The following TMTC1 variants were observed in gnomAD, a reference collection of about 807,000 sequenced individuals.
The protein encoded by TMTC1 is transmembrane O-mannosyltransferase targeting cadherins 1, also known as protein O-mannosyl-transferase TMTC1.
In TMTC1, 73 loss-of-function variants were observed where a neutral mutation model predicts 104.8. That is an observed-to-expected ratio of 0.70 (90% confidence interval 0.58 to 0.85). The LOEUF (loss-of-function observed/expected upper bound fraction) is 0.85. Ranked by LOEUF, TMTC1 falls within the 40% of genes least tolerant of loss-of-function variation. TMTC1 has a pLI of 0.00. For missense variants in TMTC1, 1,035 were observed against 1,096.1 expected (o/e 0.94, Z 0.79); for synonymous variants, 434 against 428.7 (o/e 1.01, Z -0.15).
Position 29,717,203 on chromosome 12 carries a change from T to C in TMTC1, c.938+34463A>G, listed in dbSNP as rs553054521. On this transcript the variant is annotated intron_variant, in intron 5 of 17. Coordinates refer to ENST00000539277, the MANE Select transcript of TMTC1 (RefSeq NM_001193451.2). ...AACATCAACAACATATGGGAAATTATACTCTTTGTAAATACTGAGCATTTA... is the reference window on the plus strand; with the variant it reads ...AACATCAACAACATATGGGAAATTACACTCTTTGTAAATACTGAGCATTTA... 6.6e-5 allele frequency among the ~76,000 whole-genome samples: 10 copies of C among 152,344 alleles called. No homozygotes were observed. The South Asian group carries it at 1.9e-3, about 28-fold the overall frequency.
chr12:29,530,569 A>G (rs1944474621), intron 11 of TMTC1, among the ~76,000 whole-genome samples: 1 of 152,118 alleles, frequency 6.6e-6, no homozygotes, highest in Admixed American at 6.5e-5. Context: ...CGCATGTGCA[A>G]CCCCTTCATA....
At chr12:29,661,116 A>T (rs1287285765) in intron 5 of TMTC1, among the ~76,000 whole-genome samples, 2 of 152,118 alleles carry the variant, frequency 1.3e-5, no homozygotes, top group Non-Finnish European at 2.9e-5. Flanking sequence ...TTACTCACTT[A>T]TAAAAGGGAG....
intron 5 of TMTC1, among the ~76,000 whole-genome samples, chr12:29,689,399 C>T (rs1941196899): frequency 1.3e-5 from 2 of 152,062 alleles, no homozygotes; most frequent in South Asian, 4.1e-4. Context: ...ACTGCAACTC[C>T]ACCTCCCAGG....
At chr12:29,725,018 T>TTTTTTTTC in intron 5 of TMTC1, among the ~76,000 whole-genome samples, 1 of 127,896 alleles carries the variant, frequency 7.8e-6, no homozygotes, top group Non-Finnish European at 1.7e-5. Context: ...CAAGTTCTTT[T>TTTTTTTTC]TTTTTTTTTT....
intron 5 of TMTC1, among the ~76,000 whole-genome samples, chr12:29,725,014 CTTTT>C (rs869135481): frequency 1.1e-5 from 1 of 90,398 alleles, no homozygotes. Context: ...CTGCCAAGTT[CTTTT>C]TTTTTTTTTT....
chr12:29,645,192 C>T (rs978885762), intron 5 of TMTC1, among the ~76,000 whole-genome samples: 4 of 152,170 alleles, frequency 2.6e-5, no homozygotes, highest in Non-Finnish European at 4.4e-5. Context: ...ACTTTCATTT[C>T]GGCCTGGGGC....
At chr12:29,533,986 G>A (rs299451) in intron 11 of TMTC1, 150,545 of 152,332 alleles carry the variant, frequency 0.99, 74,421 homozygotes, top group East Asian at 1. Flanking sequence ...GCATGTGGAC[G>A]GATGGTGGCA....
At chr12:29,771,492 T>G (rs1172429419) in intron 1 of TMTC1, among the ~76,000 whole-genome samples, 2 of 152,162 alleles carry the variant, frequency 1.3e-5, no homozygotes, top group Non-Finnish European at 2.9e-5. Context: ...AAGCACATAC[T>G]ACATGTCAGA....
At chr12:29,661,202 T>C (rs1056736836) in intron 5 of TMTC1, 1 of 242,676 alleles carries the variant, frequency 4.1e-6, no homozygotes, top group Non-Finnish European at 6.6e-6. Context: ...CTCAGCTCTG[T>C]TAGCTATAAA....
At chr12:29,568,373 G>A (rs1478112259) in intron 9 of TMTC1, among the ~76,000 whole-genome samples, 1 of 152,192 alleles carries the variant, frequency 6.6e-6, no homozygotes, top group Non-Finnish European at 1.5e-5. Flanking sequence ...AAAAATCACT[G>A]TTGAATTAGA....
intron 5 of TMTC1, among the ~76,000 whole-genome samples, chr12:29,733,131 C>T (rs781781487): frequency 2.6e-5 from 4 of 152,170 alleles, no homozygotes; most frequent in Non-Finnish European, 5.9e-5. Flanking sequence ...AAATATGGAA[C>T]ATGAGATGTC....
At chr12:29,779,306 C>T (rs1036957082) in intron 1 of TMTC1, among the ~76,000 whole-genome samples, 1 of 152,338 alleles carries the variant, frequency 6.6e-6, no homozygotes, top group South Asian at 2.1e-4. Flanking sequence ...ATGGTCAGCC[C>T]TAACCCAGAT....
At position 29,594,272 on chromosome 12, in the gene TMTC1, C is replaced by T. The variant is rs12826633; in HGVS notation, c.1250+9906G>A. Among the ~76,000 whole-genome samples, 1,430 of 152,334 alleles carry T rather than the reference C, an allele frequency of 9.4e-3. 15 individuals carry two copies. The highest frequency in any genetic ancestry group is 0.036 in the South Asian group (176 of 4,832). On this transcript the variant is annotated intron_variant, in intron 7 of 17. Transcript: ENST00000539277. ...CTGAGTTCTATTATTGCTTCTTCCA[C>T]GAACTACTATATTTGAGAGTCCAGC... is the stretch of plus-strand genomic sequence containing the variant.
At chr12:29,714,521 AG>A (rs1942024519) in intron 5 of TMTC1, among the ~76,000 whole-genome samples, 1 of 152,226 alleles carries the variant, frequency 6.6e-6, no homozygotes, top group Non-Finnish European at 1.5e-5. Flanking sequence ...TTCATGATAA[AG>A]GGCCAGTTGT....
Position 29,633,355 on chromosome 12 carries a change from T to C in TMTC1, c.939-19A>G. ...GAGGAATCTATAAAGAGAAGAAGAA[T>C]CACTGAAACACTGCTCAAGAACCAT... On this transcript the variant is annotated intron_variant, in intron 5 of 17. Coordinates refer to ENST00000539277, the MANE Select transcript of TMTC1 (RefSeq NM_001193451.2). 1.3e-6 allele frequency: 2 copies of C among 1,581,046 alleles called. No individual in the cohort carries two copies. Among genetic ancestry groups the C allele is most frequent in the Non-Finnish European group, 1.7e-6 (2 of 1,157,478 alleles).
intron 5 of TMTC1, among the ~76,000 whole-genome samples, chr12:29,721,064 A>C (rs1200825598): frequency 6.6e-6 from 1 of 152,184 alleles, no homozygotes; most frequent in East Asian, 1.9e-4. Context: ...CCAAAAATTA[A>C]ATTGAAATAA....
chr12:29,548,422 CAT>C (rs2136233862), intron 10 of TMTC1, among the ~76,000 whole-genome samples: 1 of 152,290 alleles, frequency 6.6e-6, no homozygotes, highest in East Asian at 1.9e-4. Flanking sequence ...ATAATCCCCA[CAT>C]GTTGTGAGAG....
chr12:29,643,798 C>CATATTTATAT (rs1939077332), intron 5 of TMTC1, among the ~76,000 whole-genome samples: 1 of 33,434 alleles, frequency 3.0e-5, no homozygotes, highest in Non-Finnish European at 5.3e-5. Flanking sequence ...TATTTATATA[C>CATATTTATAT]ATATTTATAT....
intron 10 of TMTC1, among the ~76,000 whole-genome samples, chr12:29,549,367 G>A (rs1310510116): frequency 6.6e-6 from 1 of 152,058 alleles, no homozygotes; most frequent in Non-Finnish European, 1.5e-5. Flanking sequence ...TCAGAACAGT[G>A]ATTGCCTCAG....
Sources: allele counts gnomAD v4.1 joint callset (sites outside exome capture counted in the v4.1 genomes callset), GRCh38; gene constraint gnomAD v4.1.1; transcripts MANE v1.5; gene names NCBI Gene and HGNC (gene_info 2026-07-23, HGNC 2026-07-21).